The following WNK2 variants were observed in gnomAD, a reference collection of about 807,000 sequenced individuals.
The protein encoded by WNK2 is serine/threonine-protein kinase WNK2.
A neutral mutation model predicts 192.1 loss-of-function variants in WNK2; 67 were observed. The ratio of observed to expected loss-of-function variants is 0.35; its 90% CI spans 0.29 to 0.43. The LOEUF is 0.43. WNK2 is among the 20% of genes least tolerant of loss of function. WNK2 has a pLI of 1.00. For missense variants in WNK2, 2,698 were observed against 3,089.7 expected (o/e 0.87, Z 3.01); for synonymous variants, 1,439 against 1,393.9 (o/e 1.03, Z -0.72).
rs998022080 is a variant in WNK2 at position 93,307,128 on chromosome 9, T to C, written c.6259+307T>C. The C allele has an allele frequency of 8.8e-6, 4 of 453,182 alleles. No homozygotes were observed. The Admixed American group carries it at 1.1e-4, about 13-fold the overall frequency. The allele number at this position is 453,182 out of a possible 1,614,324, so 28.1% of individuals were successfully genotyped here. A position where few individuals can be genotyped will look rare whatever the true frequency, so the allele number is the denominator to read the frequency against. On this transcript the variant is annotated intron_variant, in intron 27 of 29. Transcript: ENST00000427277. ...TTAATTGGCTCCTTTTCCAAAACCG[T>C]AGGAATGAGTATTTCCTTGAAGTCC...
At position 93,292,342 on chromosome 9, in the gene WNK2, C is replaced by G; in HGVS notation, c.4971C>G (p.Asp1657Glu). The G allele has an allele frequency of 6.2e-7, 1 of 1,613,962 alleles. No individual in the cohort carries two copies. The highest frequency in any genetic ancestry group is 1.6e-4 in the Middle Eastern group (1 of 6,062). ...CTCCCAGGAGTATGCTAGGCTATGA[C>G]AGAGATGGAAGGCAGGTGGCCTCAG... ...ESSPRSMLGY[D>E]RDGRQVASDS... The change falls in exon 22 of 30, where the codon GAC becomes GAG. Residue 1657 changes from aspartate to glutamate, a missense_variant. Physicochemically the swap from Asp to Glu is conservative, Grantham distance 45. This residue lies in a region of WNK2 where 1,098 missense variants were observed against 1,101.0 expected (regional missense o/e 1.00). Transcript: ENST00000427277.
At chr9:93,267,384 G>A in intron 16 of WNK2, 1 of 196,234 alleles carries the variant, frequency 5.1e-6, no homozygotes, top group African/African-American at 2.3e-5. Flanking sequence ...GTGCCCAGAT[G>A]GACCCCCTCC....
chr9:93,232,132 G>A (rs1490575724), intron 4 of WNK2, among the ~76,000 whole-genome samples: 2 of 152,210 alleles, frequency 1.3e-5, no homozygotes, highest in Non-Finnish European at 2.9e-5. Context: ...GTGAGCAGTC[G>A]ATCTTGGGGC....
At chr9:93,195,439 C>A (rs1198426357) in intron 2 of WNK2, among the ~76,000 whole-genome samples, 3 of 152,138 alleles carry the variant, frequency 2.0e-5, no homozygotes, top group African/African-American at 4.8e-5. Flanking sequence ...TGGCTCACAC[C>A]TATAATCCCA....
rs975786062 is a variant in WNK2, at chr9:93,278,029, A to G, written c.4033+9283A>G. 5.9e-5 allele frequency among the ~76,000 whole-genome samples: 9 copies of G among 152,354 alleles called. No homozygotes were observed. The East Asian group carries it at 1.2e-3, about 20-fold the overall frequency. On this transcript the variant is annotated intron_variant, in intron 19 of 29. Transcript: ENST00000427277. ...TCCTTCAGAAAACAACTTAAAAAGC[A>G]TTCAAAATTTATATAACAATGTTTT...
rs1346180995 is a variant in WNK2 at position 93,256,933 on chromosome 9, C to G, written c.2191-15C>G. 2 of 1,543,120 alleles carry G rather than the reference C, an allele frequency of 1.3e-6. No individual in the cohort carries two copies. The highest frequency in any genetic ancestry group is 1.7e-6 in the Non-Finnish European group (2 of 1,150,480). On this transcript the variant is annotated splice_polypyrimidine_tract_variant and intron_variant, in intron 10 of 29. Coordinates refer to ENST00000427277, the MANE Select transcript of WNK2 (RefSeq NM_006648.4). The stretch of plus-strand genomic sequence containing the variant: ...AGATTGGTGGTCTAAGGGGAGCTAC[C>G]TTCTCTCCCTCTAGCCTCCTCCGCT...
chr9:93,303,282 A>T (rs546783559), intron 26 of WNK2, among the ~76,000 whole-genome samples: 1 of 152,222 alleles, frequency 6.6e-6, no homozygotes, highest in South Asian at 2.1e-4. Flanking sequence ...AGATGCTGAG[A>T]TGGCACCTCT....
At chr9:93,220,593 G>C (rs1261871389) in intron 2 of WNK2, among the ~76,000 whole-genome samples, 1 of 152,202 alleles carries the variant, frequency 6.6e-6, no homozygotes, top group African/African-American at 2.4e-5. Flanking sequence ...TGGGCAGAGG[G>C]TTGGGTCTCC....
Position 93,289,514 on chromosome 9 carries a change from C to T in WNK2, c.4760C>T (p.Pro1587Leu), listed in dbSNP as rs771370673. The T allele has an allele frequency of 1.9e-6, 3 of 1,602,778 alleles. No homozygotes were observed. The East Asian group carries it at 6.7e-5, about 36-fold the overall frequency. The change falls in exon 20 of 30, where the codon CCC (proline) becomes CTC (leucine). Residue 1587 changes from proline (P) to leucine (L), a missense_variant. Physicochemically the swap from Pro to Leu is moderately conservative, Grantham distance 98. This residue lies in a region of WNK2 where 1,098 missense variants were observed against 1,101.0 expected (regional missense o/e 1.00). Transcript: ENST00000427277. ...EVGDRDFTLE[P>L]LRGDQPRSEV... ...GGCGACAGAGACTTCACCCTGGAGC[C>T]CCTGAGAGGGGACCAGCCCCGCTCA...
At chr9:93,256,849 T>A in intron 10 of WNK2, 99 bp from the exon 11 acceptor site, 1 of 1,128,578 alleles carries the variant, frequency 8.9e-7, no homozygotes, top group Non-Finnish European at 1.2e-6. Flanking sequence ...TGCGTGTGCA[T>A]GTGAGGGTGA....
chr9:93,198,523 TG>T (rs1288123117), intron 2 of WNK2, among the ~76,000 whole-genome samples: 1 of 152,020 alleles, frequency 6.6e-6, no homozygotes, highest in Non-Finnish European at 1.5e-5. Context: ...CTTGTTGAGT[TG>T]GGGGAGTGTG....
In WNK2 at chr9:93,268,689, G is replaced by T. The variant is rs1845555455; in HGVS notation, c.3976G>T (p.Ala1326Ser). The T allele has an allele frequency of 1.2e-6, 2 of 1,613,454 alleles. No homozygotes were observed. The highest frequency in any genetic ancestry group is 1.3e-5 in the African/African-American group (1 of 74,918). Residue 1326 changes from alanine (A) to serine (S), a missense_variant, in exon 19 of 30, where the codon GCC becomes TCC. Coordinates refer to ENST00000427277, the MANE Select transcript of WNK2 (RefSeq NM_006648.4). ...GGTGGCTGAGCACCCCGCCCCCGAG[G>T]CCCCTGAATCTTCGCCCCCACTTCC... ...CPVAEHPAPE[A>S]PESSPPLPLS...
Position 93,225,391 on chromosome 9 carries a change from G to A in WNK2, c.682-4305G>A, listed in dbSNP as rs1036760821. Reference sequence around the variant, plus strand: ...AGCCTGGGTGACAGAGTGAGACCCTGTCTCCCCTACTGTAAAAATTACCAA... The same window carrying A: ...AGCCTGGGTGACAGAGTGAGACCCTATCTCCCCTACTGTAAAAATTACCAA... On this transcript the variant is annotated intron_variant, in intron 2 of 29. Transcript: ENST00000427277. Among the ~76,000 whole-genome samples, 50 of 152,146 alleles carry A rather than the reference G, an allele frequency of 3.3e-4. 1 individual carries two copies. The highest frequency in any genetic ancestry group is 3.1e-3 in the Admixed American group (48 of 15,274).
rs1843871730 is a variant in WNK2, at chr9:93,259,559, C to A, written c.3011C>A (p.Pro1004His). ...PQPALPVRPE[P>H]LQPHLPEQAA... Reference sequence around the variant, plus strand: ...CCGGCACTGCCTGTGCGCCCTGAGCCCCTCCAGCCCCACCTTCCTGAACAA... The same window carrying A: ...CCGGCACTGCCTGTGCGCCCTGAGCACCTCCAGCCCCACCTTCCTGAACAA... The change falls in exon 12 of 30, where the codon CCC (proline) becomes CAC (histidine). Residue 1004 changes from proline (P) to histidine (H), a missense_variant. Around this residue, in one of 7 missense-constraint regions of WNK2, gnomAD observed 893 missense variants for 909.0 expected, o/e 0.98. Transcript: ENST00000427277. This position sits in a 1 kb window ranked among gnomAD's most constrained non-coding sequence, Gnocchi z 4.8. The A allele has an allele frequency of 6.3e-7, 1 of 1,594,312 alleles. No homozygotes were observed. The highest frequency in any genetic ancestry group is 8.5e-7 in the Non-Finnish European group (1 of 1,177,100).
In WNK2 at chr9:93,278,491, G is replaced by T. The variant is rs1179362744; in HGVS notation, c.4033+9745G>T. Among the ~76,000 whole-genome samples, 3 of 152,146 alleles carry T rather than the reference G, an allele frequency of 2.0e-5. No individual in the cohort carries two copies. The South Asian group carries it at 6.2e-4, about 32-fold the overall frequency. On this transcript the variant is annotated intron_variant, in intron 19 of 29. Transcript: ENST00000427277. ...GGGTTTTGGGTACAGTACAAAAAAG[G>T]CGCTTGCCTCAGTCCTGGAGGATAA...
intron 19 of WNK2, among the ~76,000 whole-genome samples, chr9:93,288,510 G>A (rs1192252112): frequency 6.6e-6 from 1 of 152,212 alleles, no homozygotes; most frequent in Admixed American, 6.5e-5. Context: ...GACACAGAAG[G>A]AAGGGTGGTG....
chr9:93,225,461 A>G (rs755812056), intron 2 of WNK2, among the ~76,000 whole-genome samples: 6 of 152,216 alleles, frequency 3.9e-5, no homozygotes, highest in Non-Finnish European at 7.3e-5. Flanking sequence ...TGTAGAATAT[A>G]AAATGAGATC....
intron 4 of WNK2, among the ~76,000 whole-genome samples, chr9:93,231,762 C>G (rs1359387116): frequency 1.3e-5 from 2 of 152,224 alleles, no homozygotes; most frequent in African/African-American, 2.4e-5. Context: ...AGAAGCCTTC[C>G]CAGCCTTCTT....
chr9:93,249,177 C>T (rs1240374684), intron 8 of WNK2, among the ~76,000 whole-genome samples: 1 of 152,242 alleles, frequency 6.6e-6, no homozygotes, highest in African/African-American at 2.4e-5. Flanking sequence ...TGACACAGCA[C>T]TACGCACTTT....
Sources: allele counts gnomAD v4.1 joint callset (sites outside exome capture counted in the v4.1 genomes callset), GRCh38; gene constraint gnomAD v4.1.1; regional missense constraint gnomAD v4.1.1; non-coding constraint Gnocchi (gnomAD v3.1); transcripts MANE v1.5; gene names NCBI Gene and HGNC (gene_info 2026-07-23, HGNC 2026-07-21).